The following ZC3H14 variants were observed in gnomAD, a reference collection of about 807,000 sequenced individuals.
ZC3H14 encodes zinc finger CCCH-type containing 14.
In ZC3H14, 31 loss-of-function variants were observed where a neutral mutation model predicts 92.4. That is an observed-to-expected ratio of 0.34 (90% CI 0.25 to 0.45). The LOEUF (loss-of-function observed/expected upper bound fraction) is 0.45. Ranked by LOEUF, ZC3H14 falls within the 20% of genes least tolerant of loss-of-function variation. The pLI, the probability that ZC3H14 is intolerant of heterozygous loss-of-function variation, is 1.00. For synonymous variants in ZC3H14, 321 were observed against 300.9 expected (o/e 1.07, Z -0.69); for missense variants, 781 against 897.3 (o/e 0.87, Z 1.66).
intron 2 of ZC3H14, 126 bp downstream of exon 2, chr14:88,563,819 C>A: frequency 1.1e-6 from 1 of 898,850 alleles, no homozygotes. Context: ...TTCTTCAAAT[C>A]TTATACTCCC....
Position 88,613,392 on chromosome 14 carries a change from A to C in ZC3H14, c.*1641A>C, listed in dbSNP as rs923502200. 6.6e-6 allele frequency: 1 copy of C among 151,918 alleles called. No homozygotes were observed. The highest frequency in any genetic ancestry group is 2.4e-5 in the African/African-American group (1 of 41,208). The allele number at this position is 151,918 out of a possible 1,614,324, so 9.4% of individuals were successfully genotyped here. On this transcript the variant is annotated 3_prime_UTR_variant, in exon 17 of 17. Coordinates refer to ENST00000251038, the MANE Select transcript of ZC3H14 (RefSeq NM_024824.5). Reference sequence around the variant, plus strand: ...TAAATATCTGGAAATACTTTTAGCTATCATTTATAAAGATAGTTTTGTTCT... The same window carrying C: ...TAAATATCTGGAAATACTTTTAGCTCTCATTTATAAAGATAGTTTTGTTCT...
rs549091092 is a variant in ZC3H14, at chr14:88,568,391, G to A, written c.194+238G>A. The stretch of plus-strand genomic sequence containing the variant: ...TGACTCAGAGTTCCACATGGCTGGG[G>A]AGGCCCCAGGAAGGGGAAGCAAGCA... On this transcript the variant is annotated intron_variant, in intron 3 of 16. Transcript: ENST00000251038. Among the ~76,000 whole-genome samples, 123 of 152,358 alleles carry A rather than the reference G, an allele frequency of 8.1e-4. 1 individual carries two copies. In the Middle Eastern group the frequency reaches 0.01, roughly 13 times the overall value.
chr14:88,608,957 G>A (rs557880306), intron 13 of ZC3H14: 2 of 362,636 alleles, frequency 5.5e-6, no homozygotes, highest in Admixed American at 9.0e-5. Flanking sequence ...TGTGTTTATT[G>A]TATTAATGAG....
At position 88,567,331 on chromosome 14, in the gene ZC3H14, G is replaced by C. The variant is rs1357987988; in HGVS notation, c.80-708G>C. 2.0e-5 allele frequency among the ~76,000 whole-genome samples: 3 copies of C among 151,202 alleles called. No individual in the cohort carries two copies. The East Asian group carries it at 5.8e-4, about 29-fold the overall frequency. On this transcript the variant is annotated intron_variant, in intron 2 of 16. Transcript: ENST00000251038. Reference sequence around the variant, plus strand: ...AGGGTTTCACTGTGTTAGCCAGGATGGTCTCAATCTCCTAACCTTGTGATC... The same window carrying C: ...AGGGTTTCACTGTGTTAGCCAGGATCGTCTCAATCTCCTAACCTTGTGATC...
intron 2 of ZC3H14, 147 bp from the exon 3 acceptor site, chr14:88,567,892 T>G (rs985844705): frequency 7.0e-6 from 5 of 711,904 alleles, no homozygotes; most frequent in Middle Eastern, 2.4e-4. Flanking sequence ...GAGAAAAAAA[T>G]TAAAGCTAAG....
rs963720550 is a variant in ZC3H14 at position 88,620,225 on chromosome 14, C to A, written c.*8474C>A. ...TCAATAATCTTATCTACTGATCACA[C>A]GGAAGTACTCCGTAAATGGTAGCCA... On this transcript the variant is annotated 3_prime_UTR_variant, in exon 17 of 17. Coordinates refer to ENST00000251038, the MANE Select transcript of ZC3H14 (RefSeq NM_024824.5). This position sits in a 1 kb window ranked among gnomAD's most constrained non-coding sequence, Gnocchi z 4.3. 6.6e-6 allele frequency: 1 copy of A among 152,144 alleles called. No homozygotes were observed. The allele number at this position is 152,144 out of a possible 1,614,324, so 9.4% of individuals were successfully genotyped here.
chr14:88,583,419 G>C (rs1318659084), intron 9 of ZC3H14, among the ~76,000 whole-genome samples: 2 of 151,854 alleles, frequency 1.3e-5, no homozygotes, highest in Admixed American at 1.3e-4. Flanking sequence ...CACCTGGCCC[G>C]ACTTCTCTTT....
At position 88,621,708 on chromosome 14, in the gene ZC3H14, G is replaced by T. The variant is rs988085461; in HGVS notation, c.*9957G>T. On this transcript the variant is annotated 3_prime_UTR_variant, in exon 17 of 17. Transcript: ENST00000251038. ...AATATGCAGGCTGAAGATAATATCC[G>T]TATGATTTATAAATACACTTAATAA... 7.1e-6 allele frequency: 2 copies of T among 280,720 alleles called. No homozygotes were observed. The highest frequency in any genetic ancestry group is 3.7e-5 in the South Asian group (1 of 26,800). 17.4% of individuals were successfully genotyped at this position (280,720 alleles called of 1,614,324 possible).
rs1275304591 is a variant in ZC3H14, at chr14:88,595,103, T to C, written c.1280-1631T>C. On this transcript the variant is annotated intron_variant, in intron 9 of 16. Transcript: ENST00000251038. Reference sequence around the variant, plus strand: ...AAAATAATCGGCTTCCTTAGAAACGTTGAGAAAGGTAAACTCTTAATATAT... The same window carrying C: ...AAAATAATCGGCTTCCTTAGAAACGCTGAGAAAGGTAAACTCTTAATATAT... 3 of 1,610,022 alleles carry C rather than the reference T, an allele frequency of 1.9e-6. 1 individual carries two copies. Among genetic ancestry groups the C allele is most frequent in the Non-Finnish European group, 8.5e-7 (1 of 1,179,814 alleles).
chr14:88,602,168 C>G, intron 11 of ZC3H14, 85 bp downstream of exon 11: 1 of 1,574,336 alleles, frequency 6.4e-7, no homozygotes, highest in Non-Finnish European at 8.7e-7. Context: ...CCCTCCTCCC[C>G]GCCCTAACCG....
In ZC3H14 at chr14:88,620,966, A is replaced by G. The variant is rs1445928698; in HGVS notation, c.*9215A>G. 1.4e-6 allele frequency: 2 copies of G among 1,478,172 alleles called. No homozygotes were observed. Among genetic ancestry groups the G allele is most frequent in the Non-Finnish European group, 1.8e-6 (2 of 1,118,814 alleles). The allele number at this position is 1,478,172 out of a possible 1,614,324, so 91.6% of individuals were successfully genotyped here. ...AAAAAAAAAAAGAGTCATAGGAAAC[A>G]TTAAGTGAAGTACTTCTAAATTATA... On this transcript the variant is annotated 3_prime_UTR_variant, in exon 17 of 17. Transcript: ENST00000251038. The surrounding 1 kb of genome is among the most constrained non-coding windows in gnomAD (Gnocchi z 4.3).
chr14:88,584,682 C>G (rs1017290247), intron 9 of ZC3H14, among the ~76,000 whole-genome samples: 1 of 152,164 alleles, frequency 6.6e-6, no homozygotes, highest in African/African-American at 2.4e-5. Flanking sequence ...CAGTTCAGCT[C>G]TCCAGTAAAT....
chr14:88,601,656 G>A (rs2084662784), intron 10 of ZC3H14, among the ~76,000 whole-genome samples: 1 of 152,144 alleles, frequency 6.6e-6, no homozygotes, highest in Admixed American at 6.5e-5. Context: ...CTGTTGAGAT[G>A]CCTCACCTGA....
In ZC3H14 at chr14:88,615,878, A is replaced by G; in HGVS notation, c.*4127A>G. 6.2e-7 allele frequency: 1 copy of G among 1,605,306 alleles called. No homozygotes were observed. On this transcript the variant is annotated 3_prime_UTR_variant, in exon 17 of 17. Coordinates refer to ENST00000251038, the MANE Select transcript of ZC3H14 (RefSeq NM_024824.5). ...AGCTGCAATCAGAGAAGAAAATTGC[A>G]GGGAGTTAATTATGTTTTTAGATTT...
At position 88,572,752 on chromosome 14, in the gene ZC3H14, A is replaced by G. The variant is rs2080597858; in HGVS notation, c.606A>G (p.Thr202=). 1.9e-6 allele frequency: 3 copies of G among 1,614,168 alleles called. No homozygotes were observed. Among genetic ancestry groups the G allele is most frequent in the Non-Finnish European group, 1.7e-6 (2 of 1,180,032 alleles). Residue 202 remains threonine (T), a synonymous_variant, in exon 6 of 17, where the codon ACA becomes ACG. Transcript: ENST00000251038. ...NPLSQKKPTV[T]LTYGSSRPSI... Reference sequence around the variant, plus strand: ...TATCTCAGAAAAAACCTACAGTGACACTTACATATGGTTCTTCTCGCCCTT... The same window carrying G: ...TATCTCAGAAAAAACCTACAGTGACGCTTACATATGGTTCTTCTCGCCCTT...
chr14:88,585,454 G>A lies in ZC3H14; in HGVS notation c.1279+7314G>A, dbSNP rs540107760. 7.2e-3 allele frequency among the ~76,000 whole-genome samples: 1,083 copies of A among 149,774 alleles called. 17 individuals are homozygous for A. The highest frequency in any genetic ancestry group is 0.025 in the African/African-American group (1,019 of 40,644). On this transcript the variant is annotated intron_variant, in intron 9 of 16. Transcript: ENST00000251038. ...TGTAGTAGCGCGATCTCGGCTCACC[G>A]CAACCTCCGACTCCTTGGTTCAAGT... is the stretch of plus-strand genomic sequence containing the variant.
In ZC3H14 at chr14:88,613,281, G is replaced by T. The variant is rs1415101331; in HGVS notation, c.*1530G>T. ...ATGACAGTTCCTCTTCATTCTAAAG[G>T]TTTACTCCATTGAATTTAAGGCATT... On this transcript the variant is annotated 3_prime_UTR_variant, in exon 17 of 17. Coordinates refer to ENST00000251038, the MANE Select transcript of ZC3H14 (RefSeq NM_024824.5). 1 of 152,102 alleles carries T rather than the reference G, an allele frequency of 6.6e-6. No individual in the cohort carries two copies. The highest frequency in any genetic ancestry group is 1.5e-5 in the Non-Finnish European group (1 of 68,036). The allele number at this position is 152,102 out of a possible 1,614,324, so 9.4% of individuals were successfully genotyped here. A position where few individuals can be genotyped will look rare whatever the true frequency, so the allele number is the denominator to read the frequency against.
Position 88,622,166 on chromosome 14 carries a change from G to A in ZC3H14, c.*10415G>A, listed in dbSNP as rs553161944. The stretch of plus-strand genomic sequence containing the variant: ...CCTGGCTTATTTCACTTCACATCAT[G>A]TCCTCCAGTCTCATCCATGTTGCCA... On this transcript the variant is annotated 3_prime_UTR_variant, in exon 17 of 17. Transcript: ENST00000251038. 3.7e-4 allele frequency: 67 copies of A among 179,462 alleles called. No homozygotes were observed. In the South Asian group the frequency reaches 8.0e-3, roughly 21 times the overall value. The allele number at this position is 179,462 out of a possible 1,614,324, so 11.1% of individuals were successfully genotyped here. A position where few individuals can be genotyped will look rare whatever the true frequency, so the allele number is the denominator to read the frequency against.
At chr14:88,577,027 A>T (rs1285614841) in intron 8 of ZC3H14, among the ~76,000 whole-genome samples, 1 of 152,010 alleles carries the variant, frequency 6.6e-6, no homozygotes, top group African/African-American at 2.4e-5. Flanking sequence ...TCCTGACCTC[A>T]GGTGATCACC....
Sources: allele counts gnomAD v4.1 joint callset (sites outside exome capture counted in the v4.1 genomes callset), GRCh38; gene constraint gnomAD v4.1.1; non-coding constraint Gnocchi (gnomAD v3.1); transcripts MANE v1.5; gene names NCBI Gene and HGNC (gene_info 2026-07-23, HGNC 2026-07-21).